The following RNLS variants were observed in gnomAD, a reference collection of about 807,000 sequenced individuals.
RNLS encodes renalase, FAD dependent amine oxidase.
In RNLS, 39 loss-of-function variants were observed where a neutral mutation model predicts 39.8. The observed-to-expected ratio is 0.98, with a 90% CI of 0.76 to 1.28. The LOEUF is 1.28. Ranked by LOEUF, RNLS falls within the 50% of genes most tolerant of loss-of-function variation. RNLS has a pLI of 0.00. For synonymous variants in RNLS, 147 were observed against 150.7 expected (o/e 0.98, Z 0.18); for missense variants, 410 against 413.3 (o/e 0.99, Z 0.07).
intron 4 of RNLS, among the ~76,000 whole-genome samples, chr10:88,400,110 G>A (rs1334623449): frequency 6.6e-6 from 1 of 151,986 alleles, no homozygotes; most frequent in Non-Finnish European, 1.5e-5. Context: ...GATGATCCAG[G>A]TTAAGCTCTC....
At chr10:88,371,845 A>T (rs186106043) in intron 4 of RNLS, among the ~76,000 whole-genome samples, 16 of 152,286 alleles carry the variant, frequency 1.1e-4, no homozygotes, top group Non-Finnish European at 1.9e-4. Flanking sequence ...CCGCCTAGTT[A>T]TGCATAGCTG....
the RNLS span, among the ~76,000 whole-genome samples, chr10:88,267,043 C>T: frequency 1.3e-4 from 20 of 152,208 alleles, no homozygotes; most frequent in Admixed American, 2.6e-4. Flanking sequence ...AGGTGTCAGA[C>T]CTGTGTCACT....
At chr10:88,200,471 A>G in the RNLS span, among the ~76,000 whole-genome samples, 1 of 152,228 alleles carries the variant, frequency 6.6e-6, no homozygotes, top group African/African-American at 2.4e-5. Flanking sequence ...AGGTGATTCC[A>G]GAGCCCAGAT....
intron 4 of RNLS, among the ~76,000 whole-genome samples, chr10:88,482,789 C>T (rs1844269824): frequency 6.6e-6 from 1 of 152,078 alleles, no homozygotes; most frequent in Non-Finnish European, 1.5e-5. Flanking sequence ...ACAACCTTTT[C>T]CCTGAAAGTA....
chr10:88,464,579 T>C (rs1253403807), intron 4 of RNLS, among the ~76,000 whole-genome samples: 1 of 152,118 alleles, frequency 6.6e-6, no homozygotes, highest in Non-Finnish European at 1.5e-5. Context: ...CAGCTGATAA[T>C]GTTTGCACAT....
chr10:88,440,858 C>T (rs1053702714), intron 4 of RNLS, among the ~76,000 whole-genome samples: 4 of 152,284 alleles, frequency 2.6e-5, no homozygotes, highest in Non-Finnish European at 4.4e-5. Context: ...GTTAGTGTCC[C>T]CTTAGTCTGC....
intron 4 of RNLS, among the ~76,000 whole-genome samples, chr10:88,528,241 A>G (rs1020893260): frequency 1.3e-5 from 2 of 152,226 alleles, no homozygotes; most frequent in African/African-American, 2.4e-5. Flanking sequence ...CATTTTTAGC[A>G]GTAAAACTAG....
chr10:88,504,016 T>C (rs1845645591), intron 4 of RNLS, among the ~76,000 whole-genome samples: 1 of 152,100 alleles, frequency 6.6e-6, no homozygotes, highest in Admixed American at 6.6e-5. Context: ...GATTCTCAGG[T>C]AGCCTATGGA....
At chr10:88,328,541 CT>C (rs1203397662) in intron 5 of RNLS, among the ~76,000 whole-genome samples, 6 of 152,102 alleles carry the variant, frequency 3.9e-5, no homozygotes, top group African/African-American at 1.4e-4. Context: ...AAAAAGTCTT[CT>C]TTTTGATTAA....
chr10:88,459,090 CTTTTTCT>C (rs1389714599), intron 4 of RNLS, among the ~76,000 whole-genome samples: 2 of 130,322 alleles, frequency 1.5e-5, no homozygotes, highest in Non-Finnish European at 3.2e-5. Flanking sequence ...AGCTTTCTAG[CTTTTTCT>C]TTTTTCTTTT....
intron 4 of RNLS, among the ~76,000 whole-genome samples, chr10:88,524,136 T>C (rs1373988383): frequency 6.6e-6 from 1 of 151,840 alleles, no homozygotes; most frequent in African/African-American, 2.4e-5. Flanking sequence ...AAAAAAAAGC[T>C]CTTTAGGTTT....
the RNLS span, among the ~76,000 whole-genome samples, chr10:88,195,422 C>A: frequency 6.6e-6 from 1 of 152,018 alleles, no homozygotes; most frequent in Non-Finnish European, 1.5e-5. Context: ...TAATTTCACA[C>A]CCCCCTCCTT....
chr10:88,366,663 GAAAA>G (rs774157650), intron 4 of RNLS, among the ~76,000 whole-genome samples: 1 of 25,832 alleles, frequency 3.9e-5, no homozygotes, highest in African/African-American at 1.6e-4. Context: ...TAAGTTTTCT[GAAAA>G]AAAAAAAAAA....
At chr10:88,224,381 C>T in the RNLS span, among the ~76,000 whole-genome samples, 5 of 152,068 alleles carry the variant, frequency 3.3e-5, no homozygotes, top group Admixed American at 6.5e-5. Context: ...ATTTGGAGGA[C>T]GCATTCAGAT....
At chr10:88,336,219 C>T (rs1162917397) in intron 5 of RNLS, among the ~76,000 whole-genome samples, 1 of 152,238 alleles carries the variant, frequency 6.6e-6, no homozygotes, top group Non-Finnish European at 1.5e-5. Context: ...AAAACCGACA[C>T]ACCTATTAGC....
In RNLS at chr10:88,367,738, G is replaced by A. The variant is rs535930793; in HGVS notation, c.527-5013C>T. On this transcript the variant is annotated intron_variant, in intron 4 of 6. Transcript: ENST00000331772. ...TGGGATGTAGAGATACTATTACATT[G>A]TCGTTTTAATTTGTATTCCATGGTG... 2.0e-5 allele frequency among the ~76,000 whole-genome samples: 3 copies of A among 152,200 alleles called. No individual in the cohort carries two copies. In the East Asian group the frequency reaches 5.8e-4, roughly 29 times the overall value.
At chr10:88,579,666 A>G (rs987740287) in intron 3 of RNLS, among the ~76,000 whole-genome samples, 6 of 152,192 alleles carry the variant, frequency 3.9e-5, no homozygotes, top group African/African-American at 1.4e-4. Context: ...CATGGTGGAA[A>G]TGAGATTTTT....
intron 4 of RNLS, among the ~76,000 whole-genome samples, chr10:88,467,551 A>G (rs1158744699): frequency 6.6e-6 from 1 of 152,110 alleles, no homozygotes; most frequent in Non-Finnish European, 1.5e-5. Flanking sequence ...CTCATCAATG[A>G]CTACAGAATT....
intron 5 of RNLS, among the ~76,000 whole-genome samples, chr10:88,346,790 G>A (rs1205347443): frequency 6.6e-6 from 1 of 152,154 alleles, no homozygotes; most frequent in Non-Finnish European, 1.5e-5. Context: ...ATCAAGATAA[G>A]AAGTATCAAC....
Sources: gnomAD v4.1 joint callset for allele counts (sites outside exome capture counted in the v4.1 genomes callset) on GRCh38, gnomAD v4.1.1 for gene constraint, MANE v1.5 for transcripts, NCBI Gene and HGNC (gene_info 2026-07-23, HGNC 2026-07-21) for gene names.